Variants in FAM20B observed in about 807,000 individuals in gnomAD.
FAM20B encodes the protein FAM20B glycosaminoglycan xylosylkinase, also known as glycosaminoglycan xylosylkinase.
A neutral mutation model predicts 43.8 loss-of-function variants in FAM20B; 23 were observed. The ratio of observed to expected loss-of-function variants is 0.53; its 90% CI spans 0.38 to 0.74. The LOEUF is 0.74. Ranked by LOEUF, FAM20B falls within the 30% of genes least tolerant of loss-of-function variation. FAM20B has a pLI of 0.00. For synonymous variants in FAM20B, 178 were observed against 192.4 expected, an observed-to-expected ratio of 0.93 and a Z score of 0.62; for missense variants, 440 against 510.5, an observed-to-expected ratio of 0.86 and a Z score of 1.33.
intron 1 of FAM20B, among the ~76,000 whole-genome samples, chr1:179,034,926 G>T (rs1650156470): frequency 6.6e-6 from 1 of 152,204 alleles, no homozygotes; most frequent in African/African-American, 2.4e-5. Context: ...TGAAACTTAT[G>T]TTTACTTTTA....
intron 4 of FAM20B, among the ~76,000 whole-genome samples, chr1:179,062,962 G>A (rs920698285): frequency 1.3e-5 from 2 of 152,102 alleles, no homozygotes; most frequent in African/African-American, 4.8e-5. Context: ...AAGAAGAGGA[G>A]GATGTTACTT....
At chr1:179,030,892 A>T (rs1649982863) in intron 1 of FAM20B, among the ~76,000 whole-genome samples, 1 of 151,834 alleles carries the variant, frequency 6.6e-6, no homozygotes, top group Admixed American at 6.6e-5. Context: ...AAAAAAAAAA[A>T]ATGTGTGTGT....
intron 4 of FAM20B, among the ~76,000 whole-genome samples, chr1:179,055,474 C>T (rs147344645): frequency 1.3e-5 from 2 of 152,274 alleles, no homozygotes; most frequent in African/African-American, 4.8e-5. Context: ...ATGACAGATT[C>T]ATCATTCAGA....
Position 179,050,260 on chromosome 1 carries a change from C to G in FAM20B, c.378-19C>G. Reference sequence around the variant, plus strand: ...GGTGTAATCCACGTATACATCTGTGCTTCCCATTCACTTTGCAGGTATAGC... The same window carrying G: ...GGTGTAATCCACGTATACATCTGTGGTTCCCATTCACTTTGCAGGTATAGC... On this transcript the variant is annotated intron_variant, in intron 2 of 7. Coordinates refer to ENST00000263733, the MANE Select transcript of FAM20B (RefSeq NM_014864.4). 6.3e-7 allele frequency: 1 copy of G among 1,578,312 alleles called. No individual in the cohort carries two copies. Among genetic ancestry groups the G allele is most frequent in the Non-Finnish European group, 8.7e-7 (1 of 1,147,610 alleles).
chr1:179,067,615 ATAAT>A (rs1336820802), intron 7 of FAM20B, among the ~76,000 whole-genome samples: 2 of 152,126 alleles, frequency 1.3e-5, no homozygotes, highest in African/African-American at 4.8e-5. Context: ...AAAAAAATAA[ATAAT>A]AAATAATAAT....
In FAM20B at chr1:179,061,166, C is replaced by T. The variant is rs188361953; in HGVS notation, c.575-2761C>T. On this transcript the variant is annotated intron_variant, in intron 4 of 7. Transcript: ENST00000263733. ...CAATCTCGGCTTACTGCAACCTTTG[C>T]CTCTCAGATTCCAGTGATCCTCTCG... is the stretch of plus-strand genomic sequence containing the variant. 5.9e-3 allele frequency among the ~76,000 whole-genome samples: 875 copies of T among 147,138 alleles called. 2 individuals carry two copies. Among genetic ancestry groups the T allele is most frequent in the Non-Finnish European group, 9.3e-3 (629 of 67,542 alleles).
At chr1:179,055,411 G>A (rs1258257836) in intron 4 of FAM20B, among the ~76,000 whole-genome samples, 1 of 152,056 alleles carries the variant, frequency 6.6e-6, no homozygotes. Flanking sequence ...TTTTTTGCTA[G>A]AGTGAGTGGA....
chr1:179,068,276 C>G (rs1031837445), intron 7 of FAM20B, among the ~76,000 whole-genome samples: 1 of 152,100 alleles, frequency 6.6e-6, no homozygotes, highest in Non-Finnish European at 1.5e-5. Flanking sequence ...TTTACCCAGG[C>G]TGTCCTTCAT....
intron 6 of FAM20B, among the ~76,000 whole-genome samples, chr1:179,065,058 T>G (rs1033845267): frequency 6.6e-6 from 1 of 152,220 alleles, no homozygotes; most frequent in African/African-American, 2.4e-5. Context: ...TAGAATGTCC[T>G]TATTTTTTTA....
Position 179,066,846 on chromosome 1 carries a change from T to C in FAM20B, c.985T>C (p.Tyr329His). 1 of 1,611,748 alleles carries C rather than the reference T, an allele frequency of 6.2e-7. No homozygotes were observed. Among genetic ancestry groups the C allele is most frequent in the South Asian group, 1.1e-5 (1 of 91,040 alleles). ...LDERSILAPL[Y>H]QCCIIRVSTW... ...TGAAAGAAGCATTCTTGCCCCTCTCTATCAGTGTTGCATGTAAGTTATGCA... is the reference window on the plus strand; with the variant it reads ...TGAAAGAAGCATTCTTGCCCCTCTCCATCAGTGTTGCATGTAAGTTATGCA... Residue 329 changes from tyrosine (Y) to histidine (H), a missense_variant, in exon 7 of 8, where the codon TAT (tyrosine) becomes CAT (histidine). Physicochemically the swap from Tyr to His is moderately conservative, Grantham distance 83. Coordinates refer to ENST00000263733, the MANE Select transcript of FAM20B (RefSeq NM_014864.4).
Position 179,072,557 on chromosome 1 carries a change from C to CTTT in FAM20B, c.*423_*425dup. ...TGGAAACACTTTGCAATCTCTTTGT[C>CTTT]TTTTTTTTTTTTACCAGAACTAGTT... On this transcript the variant is annotated 3_prime_UTR_variant, in exon 8 of 8. Transcript: ENST00000263733. 1 of 161,292 alleles carries CTTT rather than the reference C, an allele frequency of 6.2e-6. No individual in the cohort carries two copies. 10.0% of individuals were successfully genotyped at this position (161,292 alleles called of 1,614,324 possible). A position where few individuals can be genotyped will look rare whatever the true frequency, so the allele number is the denominator to read the frequency against.
At chr1:179,034,351 G>C (rs1316888954) in intron 1 of FAM20B, among the ~76,000 whole-genome samples, 1 of 152,064 alleles carries the variant, frequency 6.6e-6, no homozygotes, top group Non-Finnish European at 1.5e-5. Context: ...AGCCAGCCCA[G>C]ATTCAAGGGG....
upstream of FAM20B, among the ~76,000 whole-genome samples, chr1:179,025,035 G>A (rs1009401094): frequency 1.6e-4 from 24 of 152,272 alleles, no homozygotes; most frequent in Non-Finnish European, 3.4e-4. Flanking sequence ...GGAGTAACCT[G>A]CATTATATTT....
At chr1:179,017,419 C>T in the FAM20B span, among the ~76,000 whole-genome samples, 56 of 152,288 alleles carry the variant, frequency 3.7e-4, no homozygotes, top group Non-Finnish European at 5.1e-4. Flanking sequence ...AGGCACTGTA[C>T]GGAGTGTTTT....
chr1:179,043,565 C>T lies in FAM20B; in HGVS notation c.-133-150C>T, dbSNP rs112381803. 1.8e-3 allele frequency: 536 copies of T among 302,300 alleles called. 3 individuals carry two copies. Among genetic ancestry groups the T allele is most frequent in the African/African-American group, 0.011 (501 of 46,550 alleles). 18.7% of individuals were successfully genotyped at this position (302,300 alleles called of 1,614,324 possible). ...ACTGCTGCCATCATTAGGTCCTTCT[C>T]CAGATTAGTTAATTTTAAATTATTG... On this transcript the variant is annotated intron_variant, in intron 1 of 7. Coordinates refer to ENST00000263733, the MANE Select transcript of FAM20B (RefSeq NM_014864.4).
In FAM20B at chr1:179,055,688, C is replaced by T. The variant is rs115432432; in HGVS notation, c.574+1050C>T. On this transcript the variant is annotated intron_variant, in intron 4 of 7. Coordinates refer to ENST00000263733, the MANE Select transcript of FAM20B (RefSeq NM_014864.4). ...AGAAGAAGCCAGGGTACCTGCTCTT[C>T]AAAGGCTCACAGATGGTCAACTCAC... Among the ~76,000 whole-genome samples, 716 of 152,152 alleles carry T rather than the reference C, an allele frequency of 4.7e-3. 6 individuals are homozygous for T. Among genetic ancestry groups the T allele is most frequent in the African/African-American group, 0.017 (697 of 41,516 alleles).
In FAM20B at chr1:179,073,252, C is replaced by T. The variant is rs1296052427; in HGVS notation, c.*1108C>T. ...TTACTCTCTCAGATAAGTGGCTGGA[C>T]TTATCTTGTGATTTGGGGCCATGGA... On this transcript the variant is annotated 3_prime_UTR_variant, in exon 8 of 8. Coordinates refer to ENST00000263733, the MANE Select transcript of FAM20B (RefSeq NM_014864.4). 1 of 152,144 alleles carries T rather than the reference C, an allele frequency of 6.6e-6. No individual in the cohort carries two copies. Among genetic ancestry groups the T allele is most frequent in the East Asian group, 1.9e-4 (1 of 5,196 alleles). 9.4% of individuals were successfully genotyped at this position (152,144 alleles called of 1,614,324 possible). A position where few individuals can be genotyped will look rare whatever the true frequency, so the allele number is the denominator to read the frequency against.
At chr1:179,024,723 AG>A (rs1336967638), upstream of FAM20B, among the ~76,000 whole-genome samples, 3 of 152,346 alleles carry the variant, frequency 2.0e-5, no homozygotes, top group Non-Finnish European at 4.4e-5. Context: ...TTATTTCTCT[AG>A]GATCTCCTGA....
chr1:179,026,460 C>T (rs1649785462), intron 1 of FAM20B, among the ~76,000 whole-genome samples: 1 of 152,162 alleles, frequency 6.6e-6, no homozygotes, highest in African/African-American at 2.4e-5. Context: ...GTGACCGTCT[C>T]TCGTCCCCTT....
Sources: gnomAD v4.1 joint callset for allele counts (sites outside exome capture counted in the v4.1 genomes callset) on GRCh38, gnomAD v4.1.1 for gene constraint, MANE v1.5 for transcripts, NCBI Gene and HGNC (gene_info 2026-07-23, HGNC 2026-07-21) for gene names.